The following FBXL20 variants were observed in gnomAD, a reference collection of about 807,000 sequenced individuals.
FBXL20 encodes F-box/LRR-repeat protein 20.
FBXL20 carries 11 observed loss-of-function variants against 64.0 expected under a neutral mutation model. The ratio of observed to expected loss-of-function variants is 0.17; its 90% confidence interval spans 0.11 to 0.28. The LOEUF (loss-of-function observed/expected upper bound fraction) is 0.28, where lower values mean the gene tolerates loss of function less well. Among genes scored for constraint, FBXL20 ranks in the 10% least tolerant of loss-of-function variants. The pLI is 1.00. For synonymous variants in FBXL20, 184 were observed against 189.0 expected (o/e 0.97, Z 0.22); for missense variants, 303 against 526.2 (o/e 0.58, Z 4.15).
chr17:39,345,187 G>T (rs2047620856), intron 1 of FBXL20, among the ~76,000 whole-genome samples: 1 of 152,068 alleles, frequency 6.6e-6, no homozygotes, highest in South Asian at 2.1e-4. Context: ...CACTTTTCTA[G>T]ACAATGGGAT....
intron 12 of FBXL20, among the ~76,000 whole-genome samples, chr17:39,267,850 T>G (rs1300858228): frequency 6.6e-6 from 1 of 152,210 alleles, no homozygotes; most frequent in East Asian, 1.9e-4. Context: ...CAGGCATGTA[T>G]AAGAGATAAA....
intron 2 of FBXL20, among the ~76,000 whole-genome samples, chr17:39,311,164 C>T (rs891810566): frequency 3.3e-5 from 5 of 151,986 alleles, no homozygotes; most frequent in African/African-American, 1.2e-4. Context: ...AAGCCTGTTT[C>T]TAAAAAACAA....
At chr17:39,354,038 G>GT in intron 1 of FBXL20, among the ~76,000 whole-genome samples, 1 of 152,274 alleles carries the variant, frequency 6.6e-6, no homozygotes, top group African/African-American at 2.4e-5. Flanking sequence ...TTTAAAAACA[G>GT]TTAAGATGGT....
intron 13 of FBXL20, 152 bp downstream of exon 13, chr17:39,265,245 C>G (rs1318744826): frequency 6.9e-6 from 4 of 575,694 alleles, no homozygotes; most frequent in Admixed American, 3.4e-5. Context: ...CTACTTCACT[C>G]ATGTACTCCT....
At chr17:39,310,912 G>C (rs989870225) in intron 2 of FBXL20, among the ~76,000 whole-genome samples, 7 of 151,892 alleles carry the variant, frequency 4.6e-5, no homozygotes, top group South Asian at 2.1e-4. Flanking sequence ...TTGAACCCAG[G>C]GGGGCAGAGG....
At chr17:39,376,005 G>A (rs1249449499) in intron 1 of FBXL20, among the ~76,000 whole-genome samples, 3 of 152,074 alleles carry the variant, frequency 2.0e-5, no homozygotes, top group Non-Finnish European at 4.4e-5. Flanking sequence ...TGTAATCCTG[G>A]CTACTTGGGA....
chr17:39,317,699 TTG>T (rs1251192546), intron 2 of FBXL20, among the ~76,000 whole-genome samples: 1 of 66,072 alleles, frequency 1.5e-5, no homozygotes, highest in African/African-American at 1.5e-4. Flanking sequence ...GTTTTTTTTT[TTG>T]TTTTTTTTTT....
Position 39,275,068 on chromosome 17 carries a change from G to A in FBXL20, c.729C>T (p.Cys243=), listed in dbSNP as rs1453612533. The change falls in exon 10 of 15, where the codon TGC becomes TGT. Residue 243 remains cysteine (C), a synonymous_variant. Coordinates refer to ENST00000264658, the MANE Select transcript of FBXL20 (RefSeq NM_032875.3). ...GGGATTGTAACTTATGGCACCCTCT[G>A]CATATAGTAATGAGACCTTCATCTG... ...QITDEGLITI[C]RGCHKLQSLC... 4 of 1,613,468 alleles carry A rather than the reference G, an allele frequency of 2.5e-6. No individual in the cohort carries two copies. The highest frequency in any genetic ancestry group is 3.4e-6 in the Non-Finnish European group (4 of 1,179,890).
At chr17:39,296,837 T>C (rs2144433581) in intron 6 of FBXL20, among the ~76,000 whole-genome samples, 1 of 152,292 alleles carries the variant, frequency 6.6e-6, no homozygotes, top group Non-Finnish European at 1.5e-5. Context: ...TGGTAGCTAC[T>C]AGTATCTAGA....
At chr17:39,300,864 G>A in intron 4 of FBXL20, 137 bp downstream of exon 4, 1 of 729,150 alleles carries the variant, frequency 1.4e-6, no homozygotes, top group Non-Finnish European at 2.2e-6. Context: ...AACTTTGGGG[G>A]TTCCTGTAAA....
chr17:39,358,748 T>A (rs1036830665), intron 1 of FBXL20, among the ~76,000 whole-genome samples: 2 of 151,266 alleles, frequency 1.3e-5, no homozygotes, highest in East Asian at 3.9e-4. Context: ...ATAACAACAC[T>A]ATCAACAGAA....
intron 12 of FBXL20, among the ~76,000 whole-genome samples, chr17:39,266,212 G>A (rs1265380047): frequency 6.7e-6 from 1 of 149,258 alleles, no homozygotes; most frequent in African/African-American, 2.5e-5. Context: ...GGGATTACAG[G>A]CTAGTTTGTT....
chr17:39,387,277 CTTTTTTT>C (rs34511500), intron 1 of FBXL20, among the ~76,000 whole-genome samples: 58 of 126,012 alleles, frequency 4.6e-4, no homozygotes, highest in Admixed American at 1.6e-3. Context: ...ATTAACTGCA[CTTTTTTT>C]TTTTTTTTTT....
At chr17:39,273,684 G>T (rs1285656168) in intron 10 of FBXL20, among the ~76,000 whole-genome samples, 1 of 151,988 alleles carries the variant, frequency 6.6e-6, no homozygotes, top group Non-Finnish European at 1.5e-5. Flanking sequence ...GCTGGGTGTG[G>T]TGACACTCGC....
intron 6 of FBXL20, among the ~76,000 whole-genome samples, chr17:39,289,111 G>C (rs556094902): frequency 1.3e-5 from 2 of 152,198 alleles, no homozygotes; most frequent in African/African-American, 4.8e-5. Flanking sequence ...TCCACTGACT[G>C]ATATGTTTAT....
At chr17:39,375,664 G>A (rs2047960333) in intron 1 of FBXL20, among the ~76,000 whole-genome samples, 2 of 152,052 alleles carry the variant, frequency 1.3e-5, no homozygotes, top group Non-Finnish European at 1.5e-5. Context: ...TAAATATTAC[G>A]TATCAATTTT....
At chr17:39,329,231 T>G (rs1398999979) in intron 2 of FBXL20, among the ~76,000 whole-genome samples, 1 of 152,188 alleles carries the variant, frequency 6.6e-6, no homozygotes, top group Non-Finnish European at 1.5e-5. Context: ...TATGATACAG[T>G]TAGAAGGATA....
intron 1 of FBXL20, among the ~76,000 whole-genome samples, chr17:39,393,003 A>C (rs1202561477): frequency 6.7e-6 from 1 of 150,268 alleles, no homozygotes; most frequent in African/African-American, 2.5e-5. Flanking sequence ...CAAAAAAAAA[A>C]AATAGGCCGG....
intron 2 of FBXL20, among the ~76,000 whole-genome samples, chr17:39,318,508 A>G (rs1489077485): frequency 6.6e-6 from 1 of 152,156 alleles, no homozygotes. Context: ...TGGGAGGCCA[A>G]GGCAGGCAGA....
Sources: allele counts gnomAD v4.1 joint callset (sites outside exome capture counted in the v4.1 genomes callset), GRCh38; gene constraint gnomAD v4.1.1; transcripts MANE v1.5; gene names NCBI Gene and HGNC (gene_info 2026-07-23, HGNC 2026-07-21).